The following DENND2C variants were observed in gnomAD, a reference collection of about 807,000 sequenced individuals.
DENND2C encodes DENN domain containing 2C, also known as DENN domain-containing protein 2C.
In DENND2C, 72 loss-of-function variants were observed where a neutral mutation model predicts 112.4. The observed-to-expected ratio is 0.64, with a 90% CI of 0.53 to 0.78. DENND2C has a LOEUF of 0.78. DENND2C is among the 30% of genes least tolerant of loss of function. DENND2C has a pLI of 0.00. For synonymous variants in DENND2C, 329 were observed against 381.6 expected (o/e 0.86, Z 1.61); for missense variants, 992 against 1,113.8 (o/e 0.89, Z 1.56).
rs375027088 is a variant in DENND2C, at chr1:114,596,999, C to CT, written c.2284-1127dup. ...TTTTCATGAAGTTAATATAAAGTAA[C>CT]TTAAGCAGCTCACTAAAAACACCAT... On this transcript the variant is annotated intron_variant, in intron 16 of 20. Transcript: ENST00000393274. Among the ~76,000 whole-genome samples, 192 of 152,170 alleles carry CT rather than the reference C, an allele frequency of 1.3e-3. 1 individual carries two copies. Among genetic ancestry groups the CT allele is most frequent in the African/African-American group, 4.3e-3 (177 of 41,514 alleles).
intron 15 of DENND2C, among the ~76,000 whole-genome samples, chr1:114,599,812 A>C (rs1655442193): frequency 6.6e-6 from 1 of 152,296 alleles, no homozygotes; most frequent in East Asian, 1.9e-4. Flanking sequence ...TTACCATTTA[A>C]AATTATCCAT....
At chr1:114,615,656 AAC>A (rs1266699551) in intron 8 of DENND2C, among the ~76,000 whole-genome samples, 3 of 152,246 alleles carry the variant, frequency 2.0e-5, no homozygotes, top group Non-Finnish European at 4.4e-5. Flanking sequence ...TCACGTTAAA[AAC>A]AGTGACCAGT....
intron 2 of DENND2C, among the ~76,000 whole-genome samples, chr1:114,653,977 G>T (rs1269857904): frequency 6.6e-6 from 1 of 152,130 alleles, no homozygotes; most frequent in Non-Finnish European, 1.5e-5. Context: ...TTAAGTAAAT[G>T]AATGTTATAA....
rs145361349 is a variant in DENND2C, at chr1:114,616,746, T to C, written c.1324+1640A>G. On this transcript the variant is annotated intron_variant, in intron 8 of 20. Coordinates refer to ENST00000393274, the MANE Select transcript of DENND2C (RefSeq NM_001256404.2). ...GGCAGGCACTTGTAATCCCAGCTAC[T>C]TGGGAGTCTGAGGCAAAGGAATCCC... is the stretch of plus-strand genomic sequence containing the variant. Among the ~76,000 whole-genome samples, 175 of 152,268 alleles carry C rather than the reference T, an allele frequency of 1.1e-3. 1 individual carries two copies. Among genetic ancestry groups the C allele is most frequent in the African/African-American group, 4.0e-3 (165 of 41,540 alleles).
At chr1:114,644,327 C>G (rs529894785) in intron 3 of DENND2C, among the ~76,000 whole-genome samples, 2 of 152,244 alleles carry the variant, frequency 1.3e-5, no homozygotes, top group South Asian at 4.1e-4. Flanking sequence ...TTGTTTACTT[C>G]TCTCCCTCAC....
At chr1:114,594,083 AT>A (rs1484916720) in intron 18 of DENND2C, among the ~76,000 whole-genome samples, 2 of 152,226 alleles carry the variant, frequency 1.3e-5, no homozygotes, top group Non-Finnish European at 2.9e-5. Context: ...GCTGTAGAAT[AT>A]GAGATAGTGC....
At chr1:114,589,867 C>CT (rs1261719690) in intron 18 of DENND2C, among the ~76,000 whole-genome samples, 3 of 152,140 alleles carry the variant, frequency 2.0e-5, no homozygotes, top group Admixed American at 2.0e-4. Flanking sequence ...CAGAACATTA[C>CT]TAATGTCTTT....
Position 114,592,707 on chromosome 1 carries a change from G to A in DENND2C, c.2431+1766C>T, listed in dbSNP as rs190906767. 2.5e-3 allele frequency among the ~76,000 whole-genome samples: 377 copies of A among 152,144 alleles called. 2 individuals carry two copies. The highest frequency in any genetic ancestry group is 7.4e-3 in the African/African-American group (308 of 41,502). On this transcript the variant is annotated intron_variant, in intron 18 of 20. Coordinates refer to ENST00000393274, the MANE Select transcript of DENND2C (RefSeq NM_001256404.2). ...TGCACTCCAACCTGGGTGACAAAGC[G>A]AGACCCTGTCTCAAAAATAAAAATA...
intron 9 of DENND2C, 27 bp downstream of exon 9, chr1:114,611,046 C>A: frequency 6.2e-7 from 1 of 1,613,946 alleles, no homozygotes; most frequent in Non-Finnish European, 8.5e-7. Context: ...ATCACAACAA[C>A]GGGAGCAGCC....
intron 6 of DENND2C, among the ~76,000 whole-genome samples, chr1:114,622,414 C>T (rs2101664286): frequency 6.6e-6 from 1 of 152,216 alleles, no homozygotes; most frequent in East Asian, 1.9e-4. Context: ...CTGCACCTGG[C>T]CAGCATCATC....
Position 114,615,324 on chromosome 1 carries a change from C to T in DENND2C, c.1324+3062G>A, listed in dbSNP as rs150005910. ...ACCATTGTTGAAGATAAAAAATACA[C>T]GGAAAAGAGATGATTAAACTGCTAA... On this transcript the variant is annotated intron_variant, in intron 8 of 20. Coordinates refer to ENST00000393274, the MANE Select transcript of DENND2C (RefSeq NM_001256404.2). 3.1e-4 allele frequency among the ~76,000 whole-genome samples: 47 copies of T among 152,100 alleles called. 1 individual carries two copies. In the East Asian group the frequency reaches 5.0e-3, roughly 16 times the overall value.
At chr1:114,638,518 G>T (rs1292503363) in intron 3 of DENND2C, among the ~76,000 whole-genome samples, 2 of 152,074 alleles carry the variant, frequency 1.3e-5, no homozygotes, top group Admixed American at 6.6e-5. Flanking sequence ...CAGCACTTTG[G>T]GGGGCCCAGG....
intron 3 of DENND2C, among the ~76,000 whole-genome samples, chr1:114,640,505 G>A (rs1656805569): frequency 6.6e-6 from 1 of 152,192 alleles, no homozygotes; most frequent in Non-Finnish European, 1.5e-5. Context: ...CTGCATGTAA[G>A]TATTGCTTCA....
chr1:114,665,498 A>AC (rs1657623542), intron 1 of DENND2C, among the ~76,000 whole-genome samples: 1 of 152,218 alleles, frequency 6.6e-6, no homozygotes, highest in Non-Finnish European at 1.5e-5. Context: ...GTGCCAAAGC[A>AC]GTATGTGCTC....
intron 1 of DENND2C, among the ~76,000 whole-genome samples, chr1:114,663,363 A>G (rs1657552133): frequency 6.6e-6 from 1 of 152,200 alleles, no homozygotes; most frequent in Non-Finnish European, 1.5e-5. Context: ...TTTCAAACAT[A>G]CTTTTTTATT....
intron 3 of DENND2C, among the ~76,000 whole-genome samples, chr1:114,635,246 A>G (rs1325257837): frequency 6.6e-6 from 1 of 152,110 alleles, no homozygotes; most frequent in Non-Finnish European, 1.5e-5. Flanking sequence ...CATTCCACCT[A>G]ATAATATCTT....
Position 114,600,321 on chromosome 1 carries a change from C to A in DENND2C, c.1988G>T (p.Arg663Leu), listed in dbSNP as rs746690091. 4.3e-6 allele frequency: 7 copies of A among 1,613,880 alleles called. No individual in the cohort carries two copies. Among genetic ancestry groups the A allele is most frequent in the African/African-American group, 1.3e-5 (1 of 74,868 alleles). ...ACATTTAAAATCAACATGTTCCAAT[C>A]GGGAATCTAGTGGTCGGCAGAGTTC... ...SIELCRPLDS[R>L]LEHVDFKCLF... Residue 663 changes from arginine (R) to leucine (L), a missense_variant, in exon 15 of 21, where the codon CGA (arginine) becomes CTA (leucine). This residue lies in a region of DENND2C where 516 missense variants were observed against 623.6 expected (regional missense o/e 0.83). Transcript: ENST00000393274.
chr1:114,583,832 CAAA>C lies in DENND2C; in HGVS notation c.*1765_*1767del, dbSNP rs1213183300. The C allele has an allele frequency of 3.7e-5, 3 of 81,024 alleles. No individual in the cohort carries two copies. The highest frequency in any genetic ancestry group is 7.5e-5 in the Non-Finnish European group (3 of 39,862). 5.0% of individuals were successfully genotyped at this position (81,024 alleles called of 1,614,324 possible). On this transcript the variant is annotated 3_prime_UTR_variant, in exon 21 of 21. Transcript: ENST00000393274. ...CAAAAAAAAAAAAAAAAAACCGAAA[CAAA>C]ACACACACACACACACATACACACA...
In DENND2C at chr1:114,625,391, A is replaced by T; in HGVS notation, c.594T>A (p.Pro198=). Residue 198 remains proline (P), a synonymous_variant, in exon 4 of 21, where the codon CCT becomes CCA. Transcript: ENST00000393274. ...TKSLENIYSE[P]EGQECGPSIN... The stretch of plus-strand genomic sequence containing the variant: ...TGGAAGGTCCACATTCTTGCCCCTC[A>T]GGTTCAGAGTAAATATTTTCTAAGC... 15 of 1,614,148 alleles carry T rather than the reference A, an allele frequency of 9.3e-6. No individual in the cohort carries two copies. The highest frequency in any genetic ancestry group is 1.2e-5 in the Non-Finnish European group (14 of 1,180,020).
Sources: allele counts gnomAD v4.1 joint callset (sites outside exome capture counted in the v4.1 genomes callset), GRCh38; gene constraint gnomAD v4.1.1; regional missense constraint gnomAD v4.1.1; transcripts MANE v1.5; gene names NCBI Gene and HGNC (gene_info 2026-07-23, HGNC 2026-07-21).